AGAP1: variants seen among roughly 807,000 people sequenced by gnomAD.
AGAP1 encodes ArfGAP with GTPase domain, ankyrin repeat and PH domain 1, also known as arf-GAP with GTPase, ANK repeat and PH domain-containing protein 1.
A neutral mutation model predicts 105.3 loss-of-function variants in AGAP1; 29 were observed. That is an observed-to-expected ratio of 0.28 (90% CI 0.21 to 0.38). The LOEUF is 0.38. AGAP1 is among the 10% of genes least tolerant of loss of function. The pLI is 1.00. For missense variants in AGAP1, 998 were observed against 1,165.1 expected (o/e 0.86, Z 2.09); for synonymous variants, 509 against 485.9 (o/e 1.05, Z -0.63).
At position 236,062,676 on chromosome 2, in the gene AGAP1, G is replaced by T. The variant is rs2058234997; in HGVS notation, c.2114+13395G>T. ...TTTGTTTGTTTGTTTTTGTTTGTTT[G>T]TTTGAGATGGAATCTCACTCTGTCA... On this transcript the variant is annotated intron_variant, in intron 16 of 17. Coordinates refer to ENST00000304032, the MANE Select transcript of AGAP1 (RefSeq NM_001037131.3). This position sits in a 1 kb window ranked among gnomAD's most constrained non-coding sequence, Gnocchi z 4.2. 6.6e-6 allele frequency among the ~76,000 whole-genome samples: 1 copy of T among 151,758 alleles called. No homozygotes were observed. The highest frequency in any genetic ancestry group is 6.6e-5 in the Admixed American group (1 of 15,162).
chr2:235,594,822 C>T (rs1339207341), intron 1 of AGAP1, among the ~76,000 whole-genome samples: 3 of 151,318 alleles, frequency 2.0e-5, no homozygotes, highest in Non-Finnish European at 4.4e-5. Flanking sequence ...GATCCACCTG[C>T]CTCGGCCTCC....
chr2:235,527,986 C>T (rs1942905522), intron 1 of AGAP1, among the ~76,000 whole-genome samples: 1 of 152,182 alleles, frequency 6.6e-6, no homozygotes, highest in African/African-American at 2.4e-5. Flanking sequence ...ACTAGCCACA[C>T]TTCTTTGGAC....
At chr2:235,923,411 G>T (rs540196992) in intron 11 of AGAP1, among the ~76,000 whole-genome samples, 1 of 152,082 alleles carries the variant, frequency 6.6e-6, no homozygotes, top group Non-Finnish European at 1.5e-5. Context: ...CACATAAGAC[G>T]CACAGAATCA....
intron 9 of AGAP1, among the ~76,000 whole-genome samples, chr2:235,841,225 A>G (rs1388997007): frequency 6.6e-6 from 1 of 152,212 alleles, no homozygotes; most frequent in African/African-American, 2.4e-5. Flanking sequence ...TCTAGAAGTT[A>G]TCGATTCGCT....
In AGAP1 at chr2:235,553,730, G is replaced by C. The variant is rs1014006382; in HGVS notation, c.163+58881G>C. ...ACTGCCAGAGTCTCAAGCAGGTGAG[G>C]GTGGGGTGCAGGAGAGGAGCGTTCA... On this transcript the variant is annotated intron_variant, in intron 1 of 17. Coordinates refer to ENST00000304032, the MANE Select transcript of AGAP1 (RefSeq NM_001037131.3). This position sits in a 1 kb window ranked among gnomAD's most constrained non-coding sequence, Gnocchi z 4.5. Among the ~76,000 whole-genome samples, 2 of 152,010 alleles carry C rather than the reference G, an allele frequency of 1.3e-5. No homozygotes were observed. Among genetic ancestry groups the C allele is most frequent in the African/African-American group, 4.8e-5 (2 of 41,382 alleles).
At chr2:235,683,888 C>T (rs557641424) in intron 1 of AGAP1, among the ~76,000 whole-genome samples, 18 of 151,424 alleles carry the variant, frequency 1.2e-4, no homozygotes, top group African/African-American at 4.1e-4. Context: ...TGATGTTCCC[C>T]GCCCTGTGTC....
intron 6 of AGAP1, chr2:235,783,190 T>A: frequency 2.9e-6 from 1 of 339,624 alleles, no homozygotes; most frequent in Admixed American, 4.4e-5. Flanking sequence ...TTTCTCAGGC[T>A]TTTCTTAGTG....
At chr2:235,990,071 G>A (rs189770023) in intron 13 of AGAP1, among the ~76,000 whole-genome samples, 14 of 152,252 alleles carry the variant, frequency 9.2e-5, no homozygotes, top group Admixed American at 8.5e-4. Context: ...CACACAAGCC[G>A]TTCTTATGTT....
At chr2:236,015,767 C>T (rs962131539) in intron 13 of AGAP1, among the ~76,000 whole-genome samples, 1 of 152,100 alleles carries the variant, frequency 6.6e-6, no homozygotes, top group African/African-American at 2.4e-5. Context: ...ATCGCAAGCT[C>T]GTGCCCTAAC....
intron 6 of AGAP1, among the ~76,000 whole-genome samples, chr2:235,773,143 C>T (rs916089843): frequency 6.6e-5 from 10 of 152,142 alleles, no homozygotes; most frequent in African/African-American, 1.9e-4. Flanking sequence ...TGGGAGCAGC[C>T]GGAGCATAGG....
chr2:235,654,701 T>C (rs1018867633), intron 1 of AGAP1, among the ~76,000 whole-genome samples: 2 of 152,214 alleles, frequency 1.3e-5, no homozygotes, highest in Non-Finnish European at 2.9e-5. Context: ...ATGCTTCTAA[T>C]CATACCCACA....
chr2:236,025,265 G>T (rs1055292482), intron 13 of AGAP1, among the ~76,000 whole-genome samples: 1 of 152,152 alleles, frequency 6.6e-6, no homozygotes, highest in Non-Finnish European at 1.5e-5. Context: ...CGTTCTGCAC[G>T]TTTGAAGTGA....
rs540691142 is a variant in AGAP1 at position 235,705,453 on chromosome 2, G to A, written c.164-3726G>A. Among the ~76,000 whole-genome samples the A allele has an allele frequency of 6.6e-6, 1 of 152,296 alleles. No individual in the cohort carries two copies. Among genetic ancestry groups the A allele is most frequent in the South Asian group, 2.1e-4 (1 of 4,830 alleles). On this transcript the variant is annotated intron_variant, in intron 1 of 17. Coordinates refer to ENST00000304032, the MANE Select transcript of AGAP1 (RefSeq NM_001037131.3). This position sits in a 1 kb window ranked among gnomAD's most constrained non-coding sequence, Gnocchi z 4.9. Reference sequence around the variant, plus strand: ...GTTCCTGCACCTTGGAAGGAAGCAGGACAGCTGGCCTGGACCCTGCCCCAC... The same window carrying A: ...GTTCCTGCACCTTGGAAGGAAGCAGAACAGCTGGCCTGGACCCTGCCCCAC...
At chr2:235,884,192 T>G (rs1319874174) in intron 10 of AGAP1, among the ~76,000 whole-genome samples, 1 of 151,984 alleles carries the variant, frequency 6.6e-6, no homozygotes, top group Non-Finnish European at 1.5e-5. Context: ...AAGTCAGTCA[T>G]TTGATTCCAT....
intron 1 of AGAP1, among the ~76,000 whole-genome samples, chr2:235,674,379 G>A (rs578039428): frequency 6.6e-6 from 1 of 152,262 alleles, no homozygotes; most frequent in East Asian, 1.9e-4. Flanking sequence ...TGACATTGTA[G>A]GGGGTCCCCT....
At position 235,742,048 on chromosome 2, in the gene AGAP1, C is replaced by T. The variant is rs146993475; in HGVS notation, c.396+1000C>T. ...GATTACAGGCGTGAGCCACCGCGCC[C>T]GACCCATTTAAACACTTCAAAGGAG... is the stretch of plus-strand genomic sequence containing the variant. On this transcript the variant is annotated intron_variant, in intron 4 of 17. Coordinates refer to ENST00000304032, the MANE Select transcript of AGAP1 (RefSeq NM_001037131.3). 9.1e-4 allele frequency among the ~76,000 whole-genome samples: 139 copies of T among 152,238 alleles called. 3 individuals are homozygous for T. In the East Asian group the frequency reaches 0.02, roughly 22 times the overall value.
intron 2 of AGAP1, among the ~76,000 whole-genome samples, chr2:235,711,026 A>G (rs1950829417): frequency 6.6e-6 from 1 of 152,230 alleles, no homozygotes; most frequent in African/African-American, 2.4e-5. Context: ...CCAAGGAGCC[A>G]CAGTGAGTAA....
Position 235,621,315 on chromosome 2 carries a change from C to T in AGAP1, c.164-87864C>T, listed in dbSNP as rs1030836645. 2.0e-5 allele frequency among the ~76,000 whole-genome samples: 3 copies of T among 152,188 alleles called. No homozygotes were observed. Among genetic ancestry groups the T allele is most frequent in the Admixed American group, 6.5e-5 (1 of 15,280 alleles). On this transcript the variant is annotated intron_variant, in intron 1 of 17. Coordinates refer to ENST00000304032, the MANE Select transcript of AGAP1 (RefSeq NM_001037131.3). This position sits in a 1 kb window ranked among gnomAD's most constrained non-coding sequence, Gnocchi z 4.1. Reference sequence around the variant, plus strand: ...AGGATTACAGGTGTGAGCCACCACGCCCAGCCGATCTATTTAATTTCATTG... The same window carrying T: ...AGGATTACAGGTGTGAGCCACCACGTCCAGCCGATCTATTTAATTTCATTG...
chr2:235,626,881 G>A (rs374514143), intron 1 of AGAP1, among the ~76,000 whole-genome samples: 1 of 152,190 alleles, frequency 6.6e-6, no homozygotes, highest in Non-Finnish European at 1.5e-5. Flanking sequence ...AACACATGGT[G>A]GGCTGGATTT....
Sources: gnomAD v4.1 joint callset for allele counts (sites outside exome capture counted in the v4.1 genomes callset) on GRCh38, gnomAD v4.1.1 for gene constraint, Gnocchi (gnomAD v3.1) non-coding constraint, MANE v1.5 for transcripts, NCBI Gene and HGNC (gene_info 2026-07-23, HGNC 2026-07-21) for gene names.